Variants in ANK3 observed in about 807,000 individuals in gnomAD.
ANK3 encodes ankyrin-3.
ANK3 carries 57 observed loss-of-function variants against 370.9 expected under a neutral mutation model. The ratio of observed to expected loss-of-function variants is 0.15; its 90% CI spans 0.12 to 0.19. The LOEUF is 0.19. Ranked by LOEUF, ANK3 falls within the 10% of genes least tolerant of loss-of-function variation. ANK3 has a pLI of 1.00. For synonymous variants in ANK3, 1,929 were observed against 1,946.3 expected (o/e 0.99, Z 0.23); for missense variants, 4,439 against 5,302.1 (o/e 0.84, Z 5.06).
rs1353468347 is a variant in ANK3 at position 60,042,679 on chromosome 10, G to T, written c.*12C>A. 2 of 1,613,706 alleles carry T rather than the reference G, an allele frequency of 1.2e-6. No individual in the cohort carries two copies. The highest frequency in any genetic ancestry group is 1.7e-6 in the Non-Finnish European group (2 of 1,179,874). Reference sequence around the variant, plus strand: ...GATATGAACACACCTCACCTTGACTGACCGTTCGCTGTTACGAGTGGCTCT... The same window carrying T: ...GATATGAACACACCTCACCTTGACTTACCGTTCGCTGTTACGAGTGGCTCT... On this transcript the variant is annotated 3_prime_UTR_variant, in exon 43 of 44. Coordinates refer to ENST00000280772, the MANE Select transcript of ANK3 (RefSeq NM_020987.5).
intron 8 of ANK3, among the ~76,000 whole-genome samples, chr10:60,230,810 ACCCAGGAGGTGGAGCTTGCAGTGAG>A (rs997566054): frequency 5.9e-5 from 9 of 151,480 alleles, no homozygotes; most frequent in African/African-American, 2.2e-4. Flanking sequence ...AATGGCTTGA[ACCCAGGAGGTGGAGCTTGCAGTGAG>A]CCGAGATTGC....
chr10:60,035,389 C>T (rs1037176550), intron 43 of ANK3, among the ~76,000 whole-genome samples: 6 of 151,984 alleles, frequency 3.9e-5, no homozygotes, highest in African/African-American at 1.4e-4. Context: ...GCTGGGACCA[C>T]AGGCATGTGC....
chr10:60,274,875 A>G (rs1318597581), intron 4 of ANK3, among the ~76,000 whole-genome samples: 3 of 152,218 alleles, frequency 2.0e-5, no homozygotes, highest in Non-Finnish European at 4.4e-5. Flanking sequence ...ATACATAACC[A>G]TTTAGTTATG....
At chr10:60,234,838 C>T (rs748942226) in intron 7 of ANK3, 52 bp from the exon 8 acceptor site, 22 of 1,233,854 alleles carry the variant, frequency 1.8e-5, no homozygotes, top group Admixed American at 3.6e-5. Context: ...TTCAACAAAA[C>T]GTTCCTTTCT....
chr10:60,344,731 A>T (rs2055033048), intron 1 of ANK3, among the ~76,000 whole-genome samples: 1 of 152,222 alleles, frequency 6.6e-6, no homozygotes, highest in Admixed American at 6.5e-5. Context: ...CAACATTGAA[A>T]ACAGAGCTTA....
intron 2 of ANK3, among the ~76,000 whole-genome samples, chr10:60,582,529 A>T (rs2077769010): frequency 6.6e-6 from 1 of 152,004 alleles, no homozygotes; most frequent in Non-Finnish European, 1.5e-5. Context: ...CAAAGGGCTG[A>T]AGAGGCCAAG....
intron 2 of ANK3, among the ~76,000 whole-genome samples, chr10:60,471,045 A>G (rs993137314): frequency 6.6e-6 from 1 of 152,124 alleles, no homozygotes; most frequent in African/African-American, 2.4e-5. Context: ...AAACAATATC[A>G]ATATTAGCAC....
intron 1 of ANK3, among the ~76,000 whole-genome samples, chr10:60,637,576 T>C (rs2078572146): frequency 6.6e-6 from 1 of 152,142 alleles, no homozygotes. Context: ...AAACAAAGAT[T>C]CATGTTCAAG....
At chr10:60,625,597 A>C (rs970941129) in intron 1 of ANK3, among the ~76,000 whole-genome samples, 1 of 152,146 alleles carries the variant, frequency 6.6e-6, no homozygotes, top group African/African-American at 2.4e-5. Flanking sequence ...AGGCTAATGT[A>C]CTCAATTACA....
At chr10:60,433,853 GTGCTT>G (rs2064093094) in intron 2 of ANK3, among the ~76,000 whole-genome samples, 1 of 152,160 alleles carries the variant, frequency 6.6e-6, no homozygotes, top group East Asian at 1.9e-4. Context: ...CGAATGAGTA[GTGCTT>G]TCCTTGGAGG....
At chr10:60,104,285 G>A (rs1378417785) in intron 28 of ANK3, among the ~76,000 whole-genome samples, 1 of 136,094 alleles carries the variant, frequency 7.3e-6, no homozygotes, top group Admixed American at 8.2e-5. Flanking sequence ...TTGAACCCAG[G>A]AGGCGGACGT....
chr10:60,692,496 T>C (rs2079369817), intron 1 of ANK3, among the ~76,000 whole-genome samples: 1 of 152,232 alleles, frequency 6.6e-6, no homozygotes, highest in East Asian at 1.9e-4. Flanking sequence ...AACTGATCTA[T>C]TAAGAATGTA....
At chr10:60,572,147 A>T (rs75879560) in intron 2 of ANK3, among the ~76,000 whole-genome samples, 1 of 152,178 alleles carries the variant, frequency 6.6e-6, no homozygotes, top group Non-Finnish European at 1.5e-5. Context: ...AATTTAAAGG[A>T]GAAAAAAACA....
At chr10:60,381,945 C>T (rs952749395) in intron 1 of ANK3, among the ~76,000 whole-genome samples, 8 of 152,116 alleles carry the variant, frequency 5.3e-5, no homozygotes, top group African/African-American at 1.2e-4. Flanking sequence ...TTCCCCACAT[C>T]GCTCCTTATT....
At chr10:60,184,874 AT>A (rs1474035970) in intron 17 of ANK3, among the ~76,000 whole-genome samples, 4 of 152,234 alleles carry the variant, frequency 2.6e-5, no homozygotes, top group Non-Finnish European at 5.9e-5. Flanking sequence ...TCTGGAAGAA[AT>A]GATGAAATAC....
chr10:60,617,110 G>A (rs74155624), intron 1 of ANK3, among the ~76,000 whole-genome samples: 2,112 of 152,110 alleles, frequency 0.014, 52 homozygotes, highest in African/African-American at 0.048. Flanking sequence ...TTCCCAGTCC[G>A]TTATTTGCAT....
Position 60,064,500 on chromosome 10 carries a change from A to G in ANK3, c.12320-212T>C, listed in dbSNP as rs77755096. On this transcript the variant is annotated intron_variant, in intron 38 of 43. Coordinates refer to ENST00000280772, the MANE Select transcript of ANK3 (RefSeq NM_020987.5). ...TAACTCTCCTTAGGTAATGACTTACAATCAGATTTTTTTTAGAGACCATCT... is the reference window on the plus strand; with the variant it reads ...TAACTCTCCTTAGGTAATGACTTACGATCAGATTTTTTTTAGAGACCATCT... Among the ~76,000 whole-genome samples, 1,302 of 152,230 alleles carry G rather than the reference A, an allele frequency of 8.6e-3. 17 individuals carry two copies. The highest frequency in any genetic ancestry group is 0.03 in the African/African-American group (1,241 of 41,528).
At chr10:60,638,022 C>G (rs1442365638) in intron 1 of ANK3, among the ~76,000 whole-genome samples, 1 of 152,098 alleles carries the variant, frequency 6.6e-6, no homozygotes, top group Non-Finnish European at 1.5e-5. Flanking sequence ...AAGGAAGAAC[C>G]CCAACATAGT....
In ANK3 at chr10:60,367,508, C is replaced by A. The variant is rs183819242; in HGVS notation, c.114+21917G>T. Reference sequence around the variant, plus strand: ...AGAAGGAGGCTTTCACTTTTACATGCCTTGGTTGGCAATTTCCCATTATTA... The same window carrying A: ...AGAAGGAGGCTTTCACTTTTACATGACTTGGTTGGCAATTTCCCATTATTA... On this transcript the variant is annotated intron_variant, in intron 1 of 43. Coordinates refer to ENST00000280772, the MANE Select transcript of ANK3 (RefSeq NM_020987.5). Among the ~76,000 whole-genome samples, 483 of 152,278 alleles carry A rather than the reference C, an allele frequency of 3.2e-3. 5 individuals carry two copies. Among genetic ancestry groups the A allele is most frequent in the African/African-American group, 0.011 (444 of 41,554 alleles).
Sources: gnomAD v4.1 joint callset for allele counts (sites outside exome capture counted in the v4.1 genomes callset) on GRCh38, gnomAD v4.1.1 for gene constraint, MANE v1.5 for transcripts, NCBI Gene and HGNC (gene_info 2026-07-23, HGNC 2026-07-21) for gene names.